The following TUSC3 variants were observed in gnomAD, a reference collection of about 807,000 sequenced individuals.
The protein encoded by TUSC3 is tumor suppressor candidate 3, also known as dolichyl-diphosphooligosaccharide--protein glycosyltransferase subunit TUSC3.
In TUSC3, 45 loss-of-function variants were observed where a neutral mutation model predicts 44.8. That is an observed-to-expected ratio of 1.00 (90% CI 0.79 to 1.29). The LOEUF is 1.29. TUSC3 is among the 50% of genes most tolerant of loss of function. TUSC3 has a pLI of 0.00. For synonymous variants in TUSC3, 212 were observed against 152.9 expected (o/e 1.39, Z -2.85); for missense variants, 519 against 437.9 (o/e 1.19, Z -1.65).
At chr8:15,842,792 G>T in the TUSC3 span, among the ~76,000 whole-genome samples, 1 of 152,152 alleles carries the variant, frequency 6.6e-6, no homozygotes, top group Non-Finnish European at 1.5e-5. Flanking sequence ...TGAACACGTG[G>T]CACCAAAATA....
chr8:15,718,297 G>C (rs1310333233), intron 6 of TUSC3, among the ~76,000 whole-genome samples: 1 of 152,128 alleles, frequency 6.6e-6, no homozygotes, highest in Non-Finnish European at 1.5e-5. Flanking sequence ...ATGCCCGTTG[G>C]CTTTGTGATG....
At chr8:15,738,830 T>TTTTTTTTCTTTCTTTC (rs1357339744) in intron 7 of TUSC3, among the ~76,000 whole-genome samples, 1 of 121,726 alleles carries the variant, frequency 8.2e-6, no homozygotes, top group Non-Finnish European at 1.7e-5. Context: ...TATCTTGCTT[T>TTTTTTTTCTTTCTTTC]TTTTTTTTTT....
chr8:15,808,917 A>G, the TUSC3 span, among the ~76,000 whole-genome samples: 5 of 152,136 alleles, frequency 3.3e-5, no homozygotes, highest in Non-Finnish European at 7.3e-5. Context: ...ACACACACAC[A>G]TATAATTAAG....
At chr8:15,478,742 A>T (rs921366208) in intron 1 of TUSC3, among the ~76,000 whole-genome samples, 2 of 152,170 alleles carry the variant, frequency 1.3e-5, no homozygotes, top group Non-Finnish European at 2.9e-5. Flanking sequence ...CAAAGAACAT[A>T]TGTGTGCATG....
chr8:15,780,607 G>T, the TUSC3 span, among the ~76,000 whole-genome samples: 1 of 152,194 alleles, frequency 6.6e-6, no homozygotes, highest in Non-Finnish European at 1.5e-5. Flanking sequence ...CTTCTGACTA[G>T]TCTGCATCAG....
downstream of TUSC3, among the ~76,000 whole-genome samples, chr8:15,768,067 A>G (rs563267272): frequency 6.6e-6 from 1 of 152,286 alleles, no homozygotes; most frequent in South Asian, 2.1e-4. Context: ...AGTGAAGACT[A>G]AAACAGTGGT....
At chr8:15,468,737 T>G (rs1252278006) in intron 1 of TUSC3, among the ~76,000 whole-genome samples, 3 of 152,110 alleles carry the variant, frequency 2.0e-5, no homozygotes, top group African/African-American at 4.8e-5. Context: ...ACAACAGATA[T>G]GAAAACATTC....
chr8:15,723,368 C>G (rs1323834292), intron 6 of TUSC3, among the ~76,000 whole-genome samples: 1 of 152,096 alleles, frequency 6.6e-6, no homozygotes, highest in Non-Finnish European at 1.5e-5. Context: ...TCACTGTTTT[C>G]ATAAAGAACT....
intron 2 of TUSC3, among the ~76,000 whole-genome samples, chr8:15,512,603 T>A (rs1175717814): frequency 1.3e-5 from 2 of 152,132 alleles, no homozygotes; most frequent in Non-Finnish European, 2.9e-5. Context: ...GAAAACCCCG[T>A]CTCTACTAAA....
chr8:15,656,022 C>G (rs1585198817), intron 3 of TUSC3, among the ~76,000 whole-genome samples: 1 of 152,114 alleles, frequency 6.6e-6, no homozygotes, highest in Admixed American at 6.5e-5. Context: ...TCATTTTGTT[C>G]TGCTACAACA....
chr8:15,726,846 G>C (rs1282060793), intron 6 of TUSC3, among the ~76,000 whole-genome samples: 1 of 151,422 alleles, frequency 6.6e-6, no homozygotes, highest in Non-Finnish European at 1.5e-5. Flanking sequence ...CAATGGATTA[G>C]ACAACTAAAA....
chr8:15,500,260 G>A (rs1235887973), intron 2 of TUSC3, among the ~76,000 whole-genome samples: 1 of 152,188 alleles, frequency 6.6e-6, no homozygotes, highest in African/African-American at 2.4e-5. Context: ...AATCTTGACA[G>A]AAGTTAGTAG....
upstream of TUSC3, among the ~76,000 whole-genome samples, chr8:15,538,626 A>G (rs1450224045): frequency 6.6e-6 from 1 of 152,152 alleles, no homozygotes; most frequent in Non-Finnish European, 1.5e-5. Flanking sequence ...AAATTTCAGC[A>G]TCTGTGAACT....
chr8:15,470,927 C>G (rs1207580807), intron 1 of TUSC3, among the ~76,000 whole-genome samples: 3 of 151,848 alleles, frequency 2.0e-5, no homozygotes, highest in Admixed American at 2.0e-4. Context: ...GCTGCAGCCA[C>G]CCTCAACCCT....
chr8:15,486,273 A>T (rs1328856640), intron 2 of TUSC3, among the ~76,000 whole-genome samples: 1 of 152,230 alleles, frequency 6.6e-6, no homozygotes, highest in Non-Finnish European at 1.5e-5. Context: ...CACAGTTAAT[A>T]TAGAGTAATC....
At chr8:15,695,851 CAA>C (rs890445157) in intron 6 of TUSC3, among the ~76,000 whole-genome samples, 6 of 152,220 alleles carry the variant, frequency 3.9e-5, no homozygotes, top group Non-Finnish European at 4.4e-5. Context: ...ACTTTGAACT[CAA>C]GAGAGATGAT....
chr8:15,776,692 G>A, the TUSC3 span, among the ~76,000 whole-genome samples: 16 of 152,066 alleles, frequency 1.1e-4, no homozygotes, highest in African/African-American at 3.4e-4. Flanking sequence ...CTCAATAATT[G>A]GCAGTGAGCT....
chr8:15,501,772 T>C (rs1395373580), intron 2 of TUSC3, among the ~76,000 whole-genome samples: 15 of 152,224 alleles, frequency 9.9e-5, no homozygotes, highest in Non-Finnish European at 2.2e-4. Flanking sequence ...TCTAACAGGA[T>C]GCTGATTGCC....
chr8:15,743,371 A>T, intron 7 of TUSC3, 167 bp from the exon 8 acceptor site: 1 of 697,916 alleles, frequency 1.4e-6, no homozygotes, highest in Non-Finnish European at 2.5e-6. Flanking sequence ...GTTAAGGCAT[A>T]TTTGCTCACA....
Sources: allele counts gnomAD v4.1 joint callset (sites outside exome capture counted in the v4.1 genomes callset), GRCh38; gene constraint gnomAD v4.1.1; transcripts MANE v1.5; gene names NCBI Gene and HGNC (gene_info 2026-07-23, HGNC 2026-07-21).